ANKRD44: variants seen among roughly 807,000 people sequenced by gnomAD.
The protein encoded by ANKRD44 is serine/threonine-protein phosphatase 6 regulatory ankyrin repeat subunit B.
A neutral mutation model predicts 116.0 loss-of-function variants in ANKRD44; 35 were observed. The ratio of observed to expected loss-of-function variants is 0.30; its 90% CI spans 0.23 to 0.40. The LOEUF (loss-of-function observed/expected upper bound fraction) is 0.40, where lower values mean the gene tolerates loss of function less well. Among genes scored for constraint, ANKRD44 ranks in the 10% least tolerant of loss-of-function variants. The pLI is 1.00. For synonymous variants in ANKRD44, 435 were observed against 461.8 expected (o/e 0.94, Z 0.74); for missense variants, 1,014 against 1,242.6 (o/e 0.82, Z 2.77).
At chr2:197,010,348 G>A (rs1363167292) in intron 18 of ANKRD44, among the ~76,000 whole-genome samples, 8 of 152,016 alleles carry the variant, frequency 5.3e-5, no homozygotes, top group Non-Finnish European at 8.8e-5. Context: ...AGGCATCCTC[G>A]TGCCTGGCCG....
intron 1 of ANKRD44, among the ~76,000 whole-genome samples, chr2:197,244,950 A>C (rs906697110): frequency 3.9e-5 from 6 of 152,194 alleles, no homozygotes; most frequent in African/African-American, 9.7e-5. Context: ...GCAAATCTAA[A>C]ATATTTAGGG....
chr2:197,137,863 T>G (rs1047823707), intron 3 of ANKRD44, among the ~76,000 whole-genome samples: 5 of 152,134 alleles, frequency 3.3e-5, no homozygotes, highest in Admixed American at 6.5e-5. Flanking sequence ...CCAGCTTGCC[T>G]GAAGGAGTTC....
At chr2:197,224,137 G>A (rs989414962) in intron 1 of ANKRD44, among the ~76,000 whole-genome samples, 5 of 152,116 alleles carry the variant, frequency 3.3e-5, no homozygotes, top group African/African-American at 1.2e-4. Flanking sequence ...AAGGTAAATC[G>A]AGTCCTGGAC....
At position 196,998,587 on chromosome 2, in the gene ANKRD44, C is replaced by T. The variant is rs145068422; in HGVS notation, c.2666-168G>A. 1.1e-3 allele frequency among the ~76,000 whole-genome samples: 172 copies of T among 152,218 alleles called. 1 individual carries two copies. Among genetic ancestry groups the T allele is most frequent in the Admixed American group, 2.4e-3 (36 of 15,294 alleles). ...TAATTTATTCTCATATCTGTGCTATCCAAATCCAAGGTTAATAGGCACTAA... is the reference window on the plus strand; with the variant it reads ...TAATTTATTCTCATATCTGTGCTATTCAAATCCAAGGTTAATAGGCACTAA... On this transcript the variant is annotated intron_variant, in intron 24 of 27. Transcript: ENST00000282272.
At chr2:197,080,486 C>G (rs1283406090) in intron 15 of ANKRD44, among the ~76,000 whole-genome samples, 1 of 152,204 alleles carries the variant, frequency 6.6e-6, no homozygotes, top group Non-Finnish European at 1.5e-5. Context: ...TTCTTGTCCC[C>G]TCCCTCTCTA....
At chr2:196,999,838 C>T (rs1380537820) in intron 23 of ANKRD44, among the ~76,000 whole-genome samples, 1 of 152,086 alleles carries the variant, frequency 6.6e-6, no homozygotes, top group African/African-American at 2.4e-5. Flanking sequence ...CATGATCCAC[C>T]CGCCTCGGCC....
intron 4 of ANKRD44, among the ~76,000 whole-genome samples, chr2:197,128,191 T>C (rs2079020882): frequency 6.6e-6 from 1 of 152,246 alleles, no homozygotes; most frequent in African/African-American, 2.4e-5. Context: ...ATGGTATTTC[T>C]GCTTCTAGAT....
chr2:197,000,637 T>C, intron 22 of ANKRD44, 135 bp from the exon 23 acceptor site: 2 of 699,682 alleles, frequency 2.9e-6, no homozygotes, highest in Admixed American at 2.4e-5. Flanking sequence ...TTGTGGTATA[T>C]GTTTCAATGG....
intron 3 of ANKRD44, among the ~76,000 whole-genome samples, chr2:197,144,633 C>G (rs2079451703): frequency 6.6e-6 from 1 of 152,148 alleles, no homozygotes; most frequent in South Asian, 2.1e-4. Context: ...TTCCATAGCA[C>G]ATTGAACCAA....
chr2:197,256,227 C>G (rs150212730), intron 1 of ANKRD44, among the ~76,000 whole-genome samples: 2 of 152,220 alleles, frequency 1.3e-5, no homozygotes, highest in Non-Finnish European at 2.9e-5. Context: ...TTTCTAGTGA[C>G]TGTCCAACAG....
chr2:197,225,567 C>T (rs1486572658), intron 1 of ANKRD44, among the ~76,000 whole-genome samples: 1 of 152,174 alleles, frequency 6.6e-6, no homozygotes, highest in African/African-American at 2.4e-5. Flanking sequence ...TGGTTTTGAA[C>T]TCCTGACCTC....
chr2:196,973,431 C>A (rs1264927954), intron 21 of ANKRD44, among the ~76,000 whole-genome samples: 1 of 152,102 alleles, frequency 6.6e-6, no homozygotes, highest in Non-Finnish European at 1.5e-5. Flanking sequence ...CAAAATTTCA[C>A]ATTTTTATAT....
At chr2:197,141,634 T>C (rs890597302) in intron 3 of ANKRD44, among the ~76,000 whole-genome samples, 1 of 152,234 alleles carries the variant, frequency 6.6e-6, no homozygotes, top group Non-Finnish European at 1.5e-5. Context: ...ATTAGAAATG[T>C]AGGCAATGGC....
intron 16 of ANKRD44, among the ~76,000 whole-genome samples, chr2:197,068,613 G>GA (rs1370189445): frequency 1.3e-5 from 2 of 151,724 alleles, no homozygotes; most frequent in Admixed American, 6.6e-5. Context: ...AAATTTACAA[G>GA]AAAAAAACAA....
At chr2:196,998,558 G>A (rs1450110685) in intron 24 of ANKRD44, 139 bp from the exon 25 acceptor site, 5 of 707,330 alleles carry the variant, frequency 7.1e-6, no homozygotes, top group African/African-American at 5.4e-5. Flanking sequence ...AAGAAAAAAG[G>A]GAGTAATTTA....
chr2:197,277,264 C>T (rs1011459894), intron 1 of ANKRD44, among the ~76,000 whole-genome samples: 28 of 152,158 alleles, frequency 1.8e-4, no homozygotes, highest in African/African-American at 6.0e-4. Flanking sequence ...ATAGAGGACA[C>T]GGAGTGCACC....
chr2:197,130,715 A>G (rs1026134522), intron 4 of ANKRD44, among the ~76,000 whole-genome samples: 25 of 152,220 alleles, frequency 1.6e-4, no homozygotes, highest in African/African-American at 6.0e-4. Flanking sequence ...AAAGAAAACA[A>G]TAACATTCTA....
At chr2:197,031,738 A>C (rs550336383) in intron 16 of ANKRD44, among the ~76,000 whole-genome samples, 9 of 152,226 alleles carry the variant, frequency 5.9e-5, no homozygotes, top group Admixed American at 3.3e-4. Context: ...AAATAATACA[A>C]TACTATAATT....
chr2:197,149,955 G>A (rs544382069), intron 2 of ANKRD44, among the ~76,000 whole-genome samples: 1 of 152,156 alleles, frequency 6.6e-6, no homozygotes, highest in Admixed American at 6.5e-5. Flanking sequence ...GTTAAAATGG[G>A]TTCTAGCCCA....
Sources: allele counts gnomAD v4.1 joint callset (sites outside exome capture counted in the v4.1 genomes callset), GRCh38; gene constraint gnomAD v4.1.1; transcripts MANE v1.5; gene names NCBI Gene and HGNC (gene_info 2026-07-23, HGNC 2026-07-21).